CARNMT1: variants seen among roughly 807,000 people sequenced by gnomAD.
CARNMT1 encodes carnosine N-methyltransferase 1.
CARNMT1 carries 28 observed loss-of-function variants against 49.6 expected under a neutral mutation model. That is an observed-to-expected ratio of 0.56 (90% CI 0.42 to 0.77). The LOEUF (loss-of-function observed/expected upper bound fraction) is 0.77, where lower values mean the gene tolerates loss of function less well. Ranked by LOEUF, CARNMT1 falls within the 30% of genes least tolerant of loss-of-function variation. The probability of loss-of-function intolerance (pLI) is 0.00; values close to 1 mark genes in which losing one functional copy is unlikely to be tolerated. For synonymous variants in CARNMT1, 178 were observed against 175.0 expected, an observed-to-expected ratio of 1.02 and a Z score of -0.13; for missense variants, 421 against 512.6, an observed-to-expected ratio of 0.82 and a Z score of 1.73.
rs1299011904 is a variant in CARNMT1 at position 74,998,602 on chromosome 9, T to C, written c.906A>G (p.Glu302=). Residue 302 remains glutamate (E), a synonymous_variant, in exon 5 of 8, where the codon GAA becomes GAG. Transcript: ENST00000376834. ...AAACGCTTGATTTGGACTTACTGCA[T>C]TCTGAATAAATCTCTTGAAAATCTC... ...TAGDFQEIYS[E]CNTWDCIATC... is the part of the protein sequence containing the mutation. 6.4e-7 allele frequency: 1 copy of C among 1,571,858 alleles called. No homozygotes were observed. The highest frequency in any genetic ancestry group is 8.6e-7 in the Non-Finnish European group (1 of 1,162,218).
intron 1 of CARNMT1, among the ~76,000 whole-genome samples, chr9:75,018,960 C>A (rs1833928598): frequency 7.1e-6 from 1 of 141,346 alleles, no homozygotes; most frequent in African/African-American, 2.7e-5. Flanking sequence ...GAGTGAGACT[C>A]CATCTCATAA....
chr9:75,015,023 A>G (rs1833805283), intron 3 of CARNMT1, among the ~76,000 whole-genome samples: 1 of 152,174 alleles, frequency 6.6e-6, no homozygotes, highest in Admixed American at 6.5e-5. Context: ...ATAAGACTGA[A>G]TTCCATCCAA....
chr9:75,026,025 C>T (rs979446520), intron 1 of CARNMT1, among the ~76,000 whole-genome samples: 7 of 152,160 alleles, frequency 4.6e-5, no homozygotes, highest in Non-Finnish European at 1.0e-4. Context: ...CTGTTCTCTG[C>T]TACATAAACT....
intron 3 of CARNMT1, among the ~76,000 whole-genome samples, chr9:75,014,488 GT>G: frequency 6.6e-6 from 1 of 152,124 alleles, no homozygotes. Context: ...AGTATTCAGG[GT>G]TAAATTTTCT....
At chr9:75,025,550 GGTA>G (rs986475418) in intron 1 of CARNMT1, among the ~76,000 whole-genome samples, 4 of 151,802 alleles carry the variant, frequency 2.6e-5, no homozygotes, top group Non-Finnish European at 5.9e-5. Context: ...TATATTTTAT[GGTA>G]GTAAATGATA....
chr9:75,003,204 A>G (rs1056243486), intron 3 of CARNMT1, among the ~76,000 whole-genome samples: 3 of 152,214 alleles, frequency 2.0e-5, no homozygotes, highest in African/African-American at 7.2e-5. Flanking sequence ...CAGAAACTCA[A>G]TTACCTTATT....
intron 1 of CARNMT1, among the ~76,000 whole-genome samples, chr9:75,018,616 A>G (rs1479258291): frequency 6.6e-6 from 1 of 152,146 alleles, no homozygotes; most frequent in Non-Finnish European, 1.5e-5. Flanking sequence ...TATATCCTAG[A>G]AACTCTTGCA....
rs1296109932 is a variant in CARNMT1, at chr9:74,998,498, A to G, written c.910+100T>C. On this transcript the variant is annotated intron_variant, in intron 5 of 7. Coordinates refer to ENST00000376834, the MANE Select transcript of CARNMT1 (RefSeq NM_152420.3). The stretch of plus-strand genomic sequence containing the variant: ...GACACTGACATATGCCTTATGTTCT[A>G]CCATCAAAATGAATGATCTAAACCT... The G allele has an allele frequency of 6.3e-6, 6 of 948,006 alleles. No individual in the cohort carries two copies. In the African/African-American group the frequency reaches 6.7e-5, roughly 11 times the overall value. The allele number at this position is 948,006 out of a possible 1,614,324, so 58.7% of individuals were successfully genotyped here.
At chr9:75,022,464 T>G (rs920904681) in intron 1 of CARNMT1, among the ~76,000 whole-genome samples, 11 of 152,170 alleles carry the variant, frequency 7.2e-5, no homozygotes, top group African/African-American at 2.7e-4. Flanking sequence ...CCTGAAGTGA[T>G]CTGCCAACCT....
chr9:75,020,366 C>T (rs1009500756), intron 1 of CARNMT1, among the ~76,000 whole-genome samples: 1 of 148,572 alleles, frequency 6.7e-6, no homozygotes, highest in Non-Finnish European at 1.5e-5. Context: ...CTCCCAGGTT[C>T]AAGCGACTCT....
chr9:74,998,715 T>C lies in CARNMT1; in HGVS notation c.793A>G (p.Arg265Gly). Residue 265 changes from arginine (R) to glycine (G), a missense_variant, in exon 5 of 8, where the codon AGA becomes GGA. Transcript: ENST00000376834. The part of the protein sequence containing the change: ...PWIHQFSNNR[R>G]SADQIRPIFF... ...ATGGGTCGAATCTGATCAGCTGATC[T>C]CCGGTTATTGCTAAACTGATGGATC... 6.2e-7 allele frequency: 1 copy of C among 1,605,622 alleles called. No individual in the cohort carries two copies. Among genetic ancestry groups the C allele is most frequent in the Non-Finnish European group, 8.5e-7 (1 of 1,175,566 alleles).
intron 1 of CARNMT1, among the ~76,000 whole-genome samples, chr9:75,025,598 T>A (rs748121351): frequency 3.3e-5 from 5 of 152,222 alleles, no homozygotes; most frequent in Non-Finnish European, 7.3e-5. Flanking sequence ...CATGGCATAA[T>A]TTTTTCTTAA....
intron 1 of CARNMT1, among the ~76,000 whole-genome samples, chr9:75,025,642 TAA>T (rs751338367): frequency 2.4e-4 from 36 of 152,364 alleles, no homozygotes; most frequent in Non-Finnish European, 5.0e-4. Flanking sequence ...GCAAGTTTGC[TAA>T]GTTTTTCAAA....
At chr9:75,016,052 C>T in intron 3 of CARNMT1, 1 of 404,570 alleles carries the variant, frequency 2.5e-6, no homozygotes, top group South Asian at 5.7e-5. Flanking sequence ...TATTTAATTT[C>T]TAAGTAATTT....
At chr9:75,017,559 TC>T (rs1833889565) in intron 1 of CARNMT1, 111 bp from the exon 2 acceptor site, 1 of 842,600 alleles carries the variant, frequency 1.2e-6, no homozygotes, top group Admixed American at 2.5e-5. Flanking sequence ...CTGGATACTG[TC>T]CTATCATTTA....
At chr9:75,015,590 A>G (rs573908801) in intron 3 of CARNMT1, among the ~76,000 whole-genome samples, 4 of 152,140 alleles carry the variant, frequency 2.6e-5, no homozygotes, top group Non-Finnish European at 5.9e-5. Flanking sequence ...GTTCGAGACC[A>G]GCCTGGCCAA....
chr9:75,010,159 G>A lies in CARNMT1; in HGVS notation c.590+6109C>T, dbSNP rs1039179491. ...TTTTTTTTTTCTGAGACGGAGTTTC[G>A]CTCTTGCTGCCCAGGCTAGAATGGC... On this transcript the variant is annotated intron_variant, in intron 3 of 7. Coordinates refer to ENST00000376834, the MANE Select transcript of CARNMT1 (RefSeq NM_152420.3). The A allele has an allele frequency of 1.5e-4, 18 of 121,560 alleles. 1 individual carries two copies. In the East Asian group the frequency reaches 2.6e-3, roughly 18 times the overall value. The allele number at this position is 121,560 out of a possible 1,614,324, so 7.5% of individuals were successfully genotyped here. A position where few individuals can be genotyped will look rare whatever the true frequency, so the allele number is the denominator to read the frequency against.
At chr9:74,988,627 A>G (rs1210888895) in intron 6 of CARNMT1, among the ~76,000 whole-genome samples, 1 of 152,192 alleles carries the variant, frequency 6.6e-6, no homozygotes, top group Non-Finnish European at 1.5e-5. Flanking sequence ...GACTTCTAGA[A>G]GTATAATTAA....
chr9:75,016,767 T>G, intron 2 of CARNMT1: 1 of 272,100 alleles, frequency 3.7e-6, no homozygotes. Context: ...TGGGGCAGCA[T>G]GGAGAGGCTC....
Sources: gnomAD v4.1 joint callset for allele counts (sites outside exome capture counted in the v4.1 genomes callset) on GRCh38, gnomAD v4.1.1 for gene constraint, MANE v1.5 for transcripts, NCBI Gene and HGNC (gene_info 2026-07-23, HGNC 2026-07-21) for gene names.